Variants in PPP1R14C observed in about 807,000 individuals in gnomAD.
PPP1R14C encodes the protein protein phosphatase 1 regulatory subunit 14C.
Under a neutral mutation model 20.4 loss-of-function variants are expected in PPP1R14C, and 16 were observed. That is an observed-to-expected ratio of 0.78 (90% CI 0.53 to 1.19). The LOEUF is 1.19. Among genes scored for constraint, PPP1R14C ranks in the 50% most tolerant of loss-of-function variants. PPP1R14C has a pLI of 0.00. For missense variants in PPP1R14C, 211 were observed against 220.1 expected (o/e 0.96, Z 0.26); for synonymous variants, 91 against 91.0 (o/e 1.00, Z 0.00).
chr6:150,163,911 G>A (rs1453943919), intron 1 of PPP1R14C, among the ~76,000 whole-genome samples: 3 of 152,142 alleles, frequency 2.0e-5, no homozygotes, highest in African/African-American at 7.2e-5. Context: ...AAAATTGCTG[G>A]CTTATAGAGT....
intron 1 of PPP1R14C, among the ~76,000 whole-genome samples, chr6:150,194,142 G>A (rs1347781319): frequency 6.6e-6 from 1 of 152,048 alleles, no homozygotes; most frequent in Non-Finnish European, 1.5e-5. Flanking sequence ...GGCCTCCCCA[G>A]CCATGTGGAA....
At chr6:150,181,058 CTTT>C (rs1777616643) in intron 1 of PPP1R14C, among the ~76,000 whole-genome samples, 1 of 152,108 alleles carries the variant, frequency 6.6e-6, no homozygotes, top group African/African-American at 2.4e-5. Flanking sequence ...TTACTGATGT[CTTT>C]TTTAAAATGT....
chr6:150,172,377 C>T (rs2114870454), intron 1 of PPP1R14C, among the ~76,000 whole-genome samples: 1 of 152,216 alleles, frequency 6.6e-6, no homozygotes, highest in Middle Eastern at 3.4e-3. Context: ...GCTTTTATGA[C>T]AAGGTGAAGC....
At chr6:150,228,093 C>G (rs1778250488) in intron 3 of PPP1R14C, among the ~76,000 whole-genome samples, 1 of 152,130 alleles carries the variant, frequency 6.6e-6, no homozygotes, top group African/African-American at 2.4e-5. Flanking sequence ...AGCACAAGCT[C>G]TACTTTAGAA....
rs550679025 is a variant in PPP1R14C, at chr6:150,170,466, C to T, written c.306+26968C>T. Among the ~76,000 whole-genome samples the T allele has an allele frequency of 6.6e-5, 10 of 152,098 alleles. No homozygotes were observed. The South Asian group carries it at 1.0e-3, about 16-fold the overall frequency. On this transcript the variant is annotated intron_variant, in intron 1 of 3. Transcript: ENST00000361131. ...GGCTCCTGAGTAGCTGGACTACAGG[C>T]GACTGCCACCATGCCTGGCTAATTT...
chr6:150,210,780 G>GGAAT (rs1469484562), intron 1 of PPP1R14C, among the ~76,000 whole-genome samples: 1 of 152,180 alleles, frequency 6.6e-6, no homozygotes, highest in East Asian at 1.9e-4. Context: ...ACAGGAGGTG[G>GGAAT]GAATGGCGTG....
intron 1 of PPP1R14C, among the ~76,000 whole-genome samples, chr6:150,187,247 C>CTCTG (rs1394033275): frequency 3.5e-4 from 50 of 141,590 alleles, no homozygotes; most frequent in Non-Finnish European, 5.2e-4. Flanking sequence ...TTCTCTTTCT[C>CTCTG]TGTGTGTGTG....
chr6:150,149,720 C>T lies in PPP1R14C; in HGVS notation c.306+6222C>T, dbSNP rs9885598. On this transcript the variant is annotated intron_variant, in intron 1 of 3. Coordinates refer to ENST00000361131, the MANE Select transcript of PPP1R14C (RefSeq NM_030949.3). ...CATGTCAGTGTTGTTATTGGAGCCA[C>T]AAGCTGCCACTAACTGTTGGTTATT... Among the ~76,000 whole-genome samples, 805 of 152,210 alleles carry T rather than the reference C, an allele frequency of 5.3e-3. 10 individuals are homozygous for T. The highest frequency in any genetic ancestry group is 0.018 in the African/African-American group (746 of 41,526).
intron 2 of PPP1R14C, 138 bp downstream of exon 2, chr6:150,214,965 G>C: frequency 1.6e-6 from 1 of 615,184 alleles, no homozygotes; most frequent in Non-Finnish European, 2.8e-6. Context: ...AGAGAGGAAA[G>C]CAATGGGCTG....
chr6:150,240,934 A>G (rs1364248320), intron 3 of PPP1R14C, among the ~76,000 whole-genome samples: 1 of 152,202 alleles, frequency 6.6e-6, no homozygotes. Context: ...GTTGCTATGT[A>G]CATCTTTTGT....
intron 1 of PPP1R14C, among the ~76,000 whole-genome samples, chr6:150,184,365 C>T (rs868618433): frequency 6.6e-6 from 1 of 152,144 alleles, no homozygotes; most frequent in Non-Finnish European, 1.5e-5. Flanking sequence ...TAGTATCTGG[C>T]ACGACAGTCA....
chr6:150,206,002 C>T (rs907945306), intron 1 of PPP1R14C, among the ~76,000 whole-genome samples: 3 of 152,042 alleles, frequency 2.0e-5, no homozygotes, highest in East Asian at 1.9e-4. Flanking sequence ...CTCTTGCTCA[C>T]GGTACAAGTC....
chr6:150,247,424 A>G (rs1170198437), intron 3 of PPP1R14C, among the ~76,000 whole-genome samples: 1 of 152,210 alleles, frequency 6.6e-6, no homozygotes, highest in Non-Finnish European at 1.5e-5. Context: ...ACAGGAGGCA[A>G]CAATGAGAGA....
intron 1 of PPP1R14C, among the ~76,000 whole-genome samples, chr6:150,166,399 A>C (rs1335410603): frequency 6.6e-6 from 1 of 152,108 alleles, no homozygotes; most frequent in Non-Finnish European, 1.5e-5. Flanking sequence ...TCTTCTTGGT[A>C]ACTGCCCTCT....
rs192895716 is a variant in PPP1R14C, at chr6:150,221,641, A to G, written c.423+4785A>G. Among the ~76,000 whole-genome samples, 11 of 152,312 alleles carry G rather than the reference A, an allele frequency of 7.2e-5. No homozygotes were observed. The East Asian group carries it at 1.7e-3, about 24-fold the overall frequency. ...TGGAAAGAATACTGGAATTTGAGTC[A>G]AAAGTCTTATGCCAATGCTAGCACT... On this transcript the variant is annotated intron_variant, in intron 3 of 3. Coordinates refer to ENST00000361131, the MANE Select transcript of PPP1R14C (RefSeq NM_030949.3).
intron 3 of PPP1R14C, among the ~76,000 whole-genome samples, chr6:150,239,855 C>T (rs924695115): frequency 6.6e-6 from 1 of 152,246 alleles, no homozygotes; most frequent in Non-Finnish European, 1.5e-5. Flanking sequence ...GAGTTTAAGA[C>T]CAGCCTGGCC....
rs139854391 is a variant in PPP1R14C at position 150,242,210 on chromosome 6, T to C, written c.424-6536T>C. 9.8e-4 allele frequency among the ~76,000 whole-genome samples: 149 copies of C among 152,268 alleles called. 2 individuals are homozygous for C. The highest frequency in any genetic ancestry group is 3.4e-3 in the African/African-American group (141 of 41,554). On this transcript the variant is annotated intron_variant, in intron 3 of 3. Transcript: ENST00000361131. ...TTTACCAGACATTTAAGAAAGAAAT[T>C]CTACCAACTCTACATAAACTCTTCC...
At chr6:150,238,353 C>T (rs762060743) in intron 3 of PPP1R14C, among the ~76,000 whole-genome samples, 67 of 152,060 alleles carry the variant, frequency 4.4e-4, no homozygotes, top group Non-Finnish European at 7.1e-4. Flanking sequence ...AAAATTTCCC[C>T]GGAAGGAGTG....
At chr6:150,180,820 TC>T (rs1777612698) in intron 1 of PPP1R14C, among the ~76,000 whole-genome samples, 1 of 152,166 alleles carries the variant, frequency 6.6e-6, no homozygotes, top group Admixed American at 6.5e-5. Flanking sequence ...AGATGATTTT[TC>T]TTGCTGAATG....
Sources: allele counts gnomAD v4.1 joint callset (sites outside exome capture counted in the v4.1 genomes callset), GRCh38; gene constraint gnomAD v4.1.1; transcripts MANE v1.5; gene names NCBI Gene and HGNC (gene_info 2026-07-23, HGNC 2026-07-21).